PCDHGA5: variants seen among roughly 807,000 people sequenced by gnomAD.
PCDHGA5 encodes the protein protocadherin gamma-A5.
A neutral mutation model predicts 56.7 loss-of-function variants in PCDHGA5; 36 were observed. That is an observed-to-expected ratio of 0.64 (90% confidence interval 0.49 to 0.84). PCDHGA5 has a LOEUF of 0.84. PCDHGA5 is among the 40% of genes least tolerant of loss of function. PCDHGA5 has a pLI of 0.00. For synonymous variants in PCDHGA5, 563 were observed against 520.2 expected (o/e 1.08, Z -1.12); for missense variants, 1,305 against 1,201.5 (o/e 1.09, Z -1.27).
intron 1 of PCDHGA5, chr5:141,367,404 GCA>G (rs1765111997): frequency 2.0e-5 from 3 of 152,244 alleles, no homozygotes; most frequent in African/African-American, 7.2e-5. Flanking sequence ...GGGCGTGGTG[GCA>G]GGCGCCTGTA....
chr5:141,471,044 CT>C (rs1432278092), intron 1 of PCDHGA5, among the ~76,000 whole-genome samples: 3 of 136,442 alleles, frequency 2.2e-5, no homozygotes. Flanking sequence ...AGCCCAAGCC[CT>C]CTTTTTTTTT....
intron 1 of PCDHGA5, chr5:141,413,489 G>A (rs937434384): frequency 1.9e-6 from 3 of 1,614,036 alleles, no homozygotes; most frequent in Admixed American, 1.7e-5. Context: ...CAGAGCGCGC[G>A]GTGCGTGGTG....
intron 1 of PCDHGA5, chr5:141,421,414 C>A (rs2096570568): frequency 1.9e-6 from 3 of 1,614,066 alleles, no homozygotes; most frequent in South Asian, 2.2e-5. Flanking sequence ...GCTGGCGAAG[C>A]GCGGAGTCCG....
In PCDHGA5 at chr5:141,399,312, A is replaced by C. The variant is rs142753281; in HGVS notation, c.2421+32561A>C. 774 of 1,613,972 alleles carry C rather than the reference A, an allele frequency of 4.8e-4. 4 individuals carry two copies. The African/African-American group carries it at 8.9e-3, about 19-fold the overall frequency. ...CTTTTAAGATTATCTCTTCATCCAAAAATTCGTATAAGTTGGTAACAGATG... is the reference window on the plus strand; with the variant it reads ...CTTTTAAGATTATCTCTTCATCCAACAATTCGTATAAGTTGGTAACAGATG... On this transcript the variant is annotated intron_variant, in intron 1 of 3. Transcript: ENST00000518069.
intron 1 of PCDHGA5, chr5:141,370,123 T>C (rs776466728): frequency 5.1e-6 from 2 of 388,722 alleles, no homozygotes; most frequent in Non-Finnish European, 9.1e-6. Flanking sequence ...TAGCTCCTTA[T>C]TTGGAGCTGA....
rs376773009 is a variant in PCDHGA5, at chr5:141,511,838, C to T, written c.*665C>T. 64 of 156,854 alleles carry T rather than the reference C, an allele frequency of 4.1e-4. No homozygotes were observed. Among genetic ancestry groups the T allele is most frequent in the Non-Finnish European group, 6.8e-4 (48 of 70,726 alleles). The allele number at this position is 156,854 out of a possible 1,614,324, so 9.7% of individuals were successfully genotyped here. A position where few individuals can be genotyped will look rare whatever the true frequency, so the allele number is the denominator to read the frequency against. ...TCTTCCCAACGCCCTGGGGACCAGTCTTCTGTTTTGTTTTTCATTGTTTGA... is the reference window on the plus strand; with the variant it reads ...TCTTCCCAACGCCCTGGGGACCAGTTTTCTGTTTTGTTTTTCATTGTTTGA... On this transcript the variant is annotated 3_prime_UTR_variant, in exon 4 of 4. Transcript: ENST00000518069.
chr5:141,408,817 G>T (rs2095174337), intron 1 of PCDHGA5: 2 of 1,613,438 alleles, frequency 1.2e-6, no homozygotes, highest in Admixed American at 1.7e-5. Context: ...GGGAAGAACA[G>T]AGATCTCATA....
At chr5:141,374,761 C>T in intron 1 of PCDHGA5, 1 of 1,613,458 alleles carries the variant, frequency 6.2e-7, no homozygotes, top group African/African-American at 1.3e-5. Context: ...CAAGCGTCGC[C>T]CAAATTCTGG....
At chr5:141,459,156 T>C (rs920698328) in intron 1 of PCDHGA5, among the ~76,000 whole-genome samples, 1 of 152,188 alleles carries the variant, frequency 6.6e-6, no homozygotes, top group Non-Finnish European at 1.5e-5. Flanking sequence ...ATATAGAACA[T>C]TTCTATAACC....
At chr5:141,494,733 C>G in intron 1 of PCDHGA5, 74 bp from the exon 2 acceptor site, 1 of 1,610,826 alleles carries the variant, frequency 6.2e-7, no homozygotes, top group South Asian at 1.1e-5. Flanking sequence ...CTCTCCCGGC[C>G]CATCCCTAGG....
At chr5:141,390,827 A>C (rs1026985432) in intron 1 of PCDHGA5, 1 of 164,666 alleles carries the variant, frequency 6.1e-6, no homozygotes, top group African/African-American at 2.4e-5. Flanking sequence ...TTTTATGTCC[A>C]TGGACCCCTT....
intron 1 of PCDHGA5, chr5:141,479,325 A>C (rs2099492835): frequency 6.6e-6 from 1 of 152,648 alleles, no homozygotes; most frequent in South Asian, 2.1e-4. Context: ...AGCCAGACTC[A>C]GTGGTGTGCA....
intron 1 of PCDHGA5, chr5:141,415,772 T>TTC: frequency 7.5e-7 from 1 of 1,332,986 alleles, no homozygotes; most frequent in Non-Finnish European, 9.6e-7. Flanking sequence ...TTTTTTTTTT[T>TTC]ACTTTCTGGT....
At chr5:141,445,427 C>G (rs964779092) in intron 1 of PCDHGA5, among the ~76,000 whole-genome samples, 4 of 152,152 alleles carry the variant, frequency 2.6e-5, no homozygotes, top group African/African-American at 9.7e-5. Flanking sequence ...ATATGCAAGG[C>G]ACTGACCTAT....
At chr5:141,399,719 G>A (rs773556952) in intron 1 of PCDHGA5, 13 of 1,613,168 alleles carry the variant, frequency 8.1e-6, no homozygotes, top group Non-Finnish European at 1.1e-5. Flanking sequence ...CTACAGGCCC[G>A]CGACCAGGGC....
chr5:141,372,962 A>T, intron 1 of PCDHGA5: 2 of 706,258 alleles, frequency 2.8e-6, no homozygotes, highest in Non-Finnish European at 4.5e-6. Context: ...TCTTTGTAGA[A>T]TTTCCTGTAG....
At chr5:141,438,063 A>G (rs540817874) in intron 1 of PCDHGA5, among the ~76,000 whole-genome samples, 11 of 152,224 alleles carry the variant, frequency 7.2e-5, no homozygotes, top group Non-Finnish European at 1.5e-4. Context: ...CTTTTAAGAA[A>G]CCATACTTAA....
Position 141,384,414 on chromosome 5 carries a change from C to T in PCDHGA5, c.2421+17663C>T, listed in dbSNP as rs1159996307. 5 of 1,613,838 alleles carry T rather than the reference C, an allele frequency of 3.1e-6. No individual in the cohort carries two copies. In the East Asian group the frequency reaches 8.9e-5, roughly 29 times the overall value. ...AGGGGGCTCCAGTGTCCTCCTATGT[C>T]TCCATAAACTCTGACACTGGAGTCC... On this transcript the variant is annotated intron_variant, in intron 1 of 3. Coordinates refer to ENST00000518069, the MANE Select transcript of PCDHGA5 (RefSeq NM_018918.3).
At chr5:141,372,309 C>A in intron 1 of PCDHGA5, 1 of 1,613,518 alleles carries the variant, frequency 6.2e-7, no homozygotes, top group Non-Finnish European at 8.5e-7. Flanking sequence ...GGAGGCCGCC[C>A]GCCAGCGCCT....
Sources: allele counts gnomAD v4.1 joint callset (sites outside exome capture counted in the v4.1 genomes callset), GRCh38; gene constraint gnomAD v4.1.1; transcripts MANE v1.5; gene names NCBI Gene and HGNC (gene_info 2026-07-23, HGNC 2026-07-21).